KAZN: variants seen among roughly 807,000 people sequenced by gnomAD.
The protein encoded by KAZN is kazrin.
In KAZN, 40 loss-of-function variants were observed where a neutral mutation model predicts 87.4. That is an observed-to-expected ratio of 0.46 (90% CI 0.36 to 0.60). The LOEUF (loss-of-function observed/expected upper bound fraction) is 0.60, where lower values mean the gene tolerates loss of function less well. KAZN is among the 20% of genes least tolerant of loss of function. The probability of loss-of-function intolerance (pLI) is 0.00; values close to 1 mark genes in which losing one functional copy is unlikely to be tolerated. For synonymous variants in KAZN, 466 were observed against 458.3 expected, an observed-to-expected ratio of 1.02 and a Z score of -0.22; for missense variants, 898 against 1,073.9, an observed-to-expected ratio of 0.84 and a Z score of 2.29.
intron 1 of KAZN, among the ~76,000 whole-genome samples, chr1:14,896,501 G>T (rs779060420): frequency 5.9e-5 from 9 of 152,100 alleles, no homozygotes; most frequent in Admixed American, 1.3e-4. Context: ...GGACTTTTTT[G>T]GTTAAATTGG....
chr1:14,419,377 T>G (rs1204132648), intron 2 of KAZN, among the ~76,000 whole-genome samples: 3 of 152,158 alleles, frequency 2.0e-5, no homozygotes, highest in African/African-American at 4.8e-5. Flanking sequence ...ATCTATCTCA[T>G]TGCCTGGGAA....
chr1:14,359,988 G>T (rs1659370597), intron 2 of KAZN, among the ~76,000 whole-genome samples: 1 of 152,302 alleles, frequency 6.6e-6, no homozygotes, highest in East Asian at 1.9e-4. Context: ...GGCCTGTCTT[G>T]CTAGGTTGGG....
At chr1:14,307,309 C>G (rs1265132075) in intron 2 of KAZN, among the ~76,000 whole-genome samples, 3 of 152,200 alleles carry the variant, frequency 2.0e-5, no homozygotes, top group Non-Finnish European at 4.4e-5. Flanking sequence ...CAGTGGCATC[C>G]TAGACACTCA....
chr1:13,983,770 T>C (rs1019416100), intron 1 of KAZN, among the ~76,000 whole-genome samples: 1 of 152,260 alleles, frequency 6.6e-6, no homozygotes, highest in Non-Finnish European at 1.5e-5. Flanking sequence ...AGGATGCTCA[T>C]TGATTATCTC....
chr1:14,775,085 G>A (rs967508700), intron 1 of KAZN, among the ~76,000 whole-genome samples: 3 of 152,140 alleles, frequency 2.0e-5, no homozygotes, highest in South Asian at 2.1e-4. Flanking sequence ...AGAGGCTCAC[G>A]GGTGTTTACA....
chr1:14,300,861 C>T (rs1654502731), intron 2 of KAZN, among the ~76,000 whole-genome samples: 1 of 152,196 alleles, frequency 6.6e-6, no homozygotes. Context: ...CCTGTGAACA[C>T]CATCTGTCCT....
rs1207932167 is a variant in KAZN at position 14,465,411 on chromosome 1, A to AG, written c.250-133572_250-133571insG. On this transcript the variant is annotated intron_variant, in intron 2 of 16. Transcript: ENST00000636203. ...GAGACTCTGTCTCAAAAAAAAAAAA[A>AG]AAAAAAGCTTCACCCACAAGTCTCT... is the stretch of plus-strand genomic sequence containing the variant. Among the ~76,000 whole-genome samples the AG allele has an allele frequency of 4.6e-5, 7 of 151,334 alleles. No individual in the cohort carries two copies. In the East Asian group the frequency reaches 1.4e-3, roughly 29 times the overall value.
At chr1:14,863,194 C>T (rs775859485) in intron 1 of KAZN, among the ~76,000 whole-genome samples, 8 of 152,176 alleles carry the variant, frequency 5.3e-5, no homozygotes, top group East Asian at 1.9e-4. Flanking sequence ...CTGCTGTTCT[C>T]GCGTTTGCCA....
At chr1:15,111,271 T>TTGTTGTTGTTGTTGTTGTTGTTG (rs55891519) in intron 13 of KAZN, among the ~76,000 whole-genome samples, 7 of 147,480 alleles carry the variant, frequency 4.7e-5, no homozygotes, top group Non-Finnish European at 7.5e-5. Flanking sequence ...GTTGTTGTTG[T>TTGTTGTTGTTGTTGTTGTTGTTG]TTGTTGTTGT....
intron 2 of KAZN, among the ~76,000 whole-genome samples, chr1:14,307,172 AC>A (rs1281135775): frequency 1.3e-5 from 2 of 152,082 alleles, no homozygotes; most frequent in Non-Finnish European, 1.5e-5. Context: ...CTGCCTGATC[AC>A]CTGTTGAAAT....
chr1:14,809,842 T>C (rs1415794241), intron 1 of KAZN, among the ~76,000 whole-genome samples: 2 of 152,010 alleles, frequency 1.3e-5, no homozygotes, highest in African/African-American at 2.4e-5. Context: ...TGCTGGTGGG[T>C]CTATAAGCCA....
At chr1:14,623,394 A>T (rs1206591140) in intron 1 of KAZN, among the ~76,000 whole-genome samples, 4 of 152,194 alleles carry the variant, frequency 2.6e-5, no homozygotes, top group Non-Finnish European at 5.9e-5. Flanking sequence ...ACATGTCCTC[A>T]CTTATAAGTG....
At chr1:14,752,051 G>C (rs1243882974) in intron 1 of KAZN, among the ~76,000 whole-genome samples, 1 of 152,226 alleles carries the variant, frequency 6.6e-6, no homozygotes, top group East Asian at 1.9e-4. Flanking sequence ...AGGTGAAAGG[G>C]AGCTGGTGTG....
At chr1:14,852,517 G>C (rs1649583946) in intron 1 of KAZN, among the ~76,000 whole-genome samples, 1 of 152,100 alleles carries the variant, frequency 6.6e-6, no homozygotes, top group African/African-American at 2.4e-5. Context: ...TGCAGGCCCT[G>C]CCCCCTCCCT....
intron 2 of KAZN, among the ~76,000 whole-genome samples, chr1:14,961,465 C>G (rs754888027): frequency 9.9e-5 from 15 of 152,190 alleles, no homozygotes; most frequent in African/African-American, 1.9e-4. Flanking sequence ...TCCACATGCT[C>G]AGCCTGGTTT....
At chr1:14,487,524 G>A (rs898628136) in intron 2 of KAZN, among the ~76,000 whole-genome samples, 3 of 152,134 alleles carry the variant, frequency 2.0e-5, no homozygotes, top group African/African-American at 7.2e-5. Context: ...ACATACAAAG[G>A]GAAGAAGAGG....
At chr1:13,926,923 CAAAG>C (rs561516054) in intron 1 of KAZN, among the ~76,000 whole-genome samples, 77 of 152,096 alleles carry the variant, frequency 5.1e-4, no homozygotes, top group African/African-American at 1.8e-3. Context: ...CTATGGTGCT[CAAAG>C]AAAAAAACCT....
chr1:14,549,870 A>G (rs920203938), intron 2 of KAZN, among the ~76,000 whole-genome samples: 1 of 150,710 alleles, frequency 6.6e-6, no homozygotes, highest in African/African-American at 2.4e-5. Context: ...CCCATTCACC[A>G]CTCTGGTTTT....
intron 2 of KAZN, among the ~76,000 whole-genome samples, chr1:14,280,012 G>A (rs1425073256): frequency 2.0e-5 from 3 of 152,092 alleles, no homozygotes; most frequent in African/African-American, 7.2e-5. Flanking sequence ...CTAACCTACA[G>A]TGTCTCAGAA....
Sources: allele counts gnomAD v4.1 joint callset (sites outside exome capture counted in the v4.1 genomes callset), GRCh38; gene constraint gnomAD v4.1.1; transcripts MANE v1.5; gene names NCBI Gene and HGNC (gene_info 2026-07-23, HGNC 2026-07-21).